SOX5: variants seen among roughly 807,000 people sequenced by gnomAD.
SOX5 encodes the protein transcription factor SOX-5.
In SOX5, 9 loss-of-function variants were observed where a neutral mutation model predicts 92.0. The ratio of observed to expected loss-of-function variants is 0.10; its 90% confidence interval spans 0.06 to 0.17. The LOEUF (loss-of-function observed/expected upper bound fraction) is 0.17. Ranked by LOEUF, SOX5 falls within the 10% of genes least tolerant of loss-of-function variation. The probability of loss-of-function intolerance (pLI) is 1.00; values close to 1 mark genes in which losing one functional copy is unlikely to be tolerated. For synonymous variants in SOX5, 344 were observed against 336.3 expected (o/e 1.02, Z -0.25); for missense variants, 642 against 944.5 (o/e 0.68, Z 4.20).
chr12:23,688,005 C>T (rs2087948851), intron 6 of SOX5, among the ~76,000 whole-genome samples: 1 of 151,944 alleles, frequency 6.6e-6, no homozygotes, highest in Admixed American at 6.6e-5. Context: ...TCTGTGCTTC[C>T]CATTAAATCC....
At chr12:23,782,458 C>T (rs1449351663) in intron 3 of SOX5, among the ~76,000 whole-genome samples, 2 of 152,052 alleles carry the variant, frequency 1.3e-5, no homozygotes, top group South Asian at 2.1e-4. Context: ...AAAGTGTTAA[C>T]GTATCCAAAA....
intron 3 of SOX5, among the ~76,000 whole-genome samples, chr12:24,228,651 T>TGTGTGTGTGC (rs60526783): frequency 1.3e-5 from 2 of 152,092 alleles, no homozygotes; most frequent in African/African-American, 4.8e-5. Context: ...AAATATTCTG[T>TGTGTGTGTGC]GTGTGTGTGC....
chr12:23,990,125 T>G (rs997229462), intron 4 of SOX5, among the ~76,000 whole-genome samples: 1 of 151,972 alleles, frequency 6.6e-6, no homozygotes, highest in Non-Finnish European at 1.5e-5. Context: ...AGATAGGTTT[T>G]GACAAATTAA....
At chr12:23,718,773 G>A (rs1261403251) in intron 6 of SOX5, among the ~76,000 whole-genome samples, 2 of 152,102 alleles carry the variant, frequency 1.3e-5, no homozygotes, top group Non-Finnish European at 2.9e-5. Context: ...TGAGAGAAAG[G>A]AAAAGGAAAA....
At chr12:24,242,810 G>T (rs12312540) in intron 3 of SOX5, among the ~76,000 whole-genome samples, 6,352 of 152,172 alleles carry the variant, frequency 0.042, 460 homozygotes, top group African/African-American at 0.14. Context: ...GGCAAAATGG[G>T]TGAATATTTT....
intron 8 of SOX5, among the ~76,000 whole-genome samples, chr12:23,627,757 C>A (rs1193579360): frequency 6.6e-6 from 1 of 151,870 alleles, no homozygotes; most frequent in African/African-American, 2.4e-5. Flanking sequence ...TTATATCAAA[C>A]CTACCATTTA....
chr12:24,137,589 G>A (rs530152623), intron 4 of SOX5, among the ~76,000 whole-genome samples: 4 of 152,208 alleles, frequency 2.6e-5, no homozygotes, highest in African/African-American at 4.8e-5. Context: ...CAGAAGTCAC[G>A]CCACTGCAAT....
At chr12:24,535,534 C>A (rs1315473232) in intron 1 of SOX5, among the ~76,000 whole-genome samples, 1 of 152,146 alleles carries the variant, frequency 6.6e-6, no homozygotes, top group African/African-American at 2.4e-5. Flanking sequence ...ACTTTGCTTG[C>A]TTTTCCAATT....
intron 4 of SOX5, among the ~76,000 whole-genome samples, chr12:24,154,540 T>G (rs1951974621): frequency 6.6e-6 from 1 of 152,086 alleles, no homozygotes; most frequent in Admixed American, 6.6e-5. Context: ...GTAAACAAGT[T>G]AGGTGTCCAA....
At chr12:23,548,818 G>A (rs1374600063) in intron 11 of SOX5, among the ~76,000 whole-genome samples, 5 of 151,996 alleles carry the variant, frequency 3.3e-5, no homozygotes, top group Admixed American at 2.6e-4. Flanking sequence ...GTGGTTAGGT[G>A]TCTAGGTAAT....
intron 7 of SOX5, among the ~76,000 whole-genome samples, chr12:23,657,118 T>C (rs974407314): frequency 9.5e-5 from 8 of 84,120 alleles, no homozygotes; most frequent in African/African-American, 2.1e-4. Flanking sequence ...GACTTTTCTC[T>C]TTTCATTGTT....
At chr12:23,920,754 T>G (rs1413474523) in intron 1 of SOX5, 2 of 152,148 alleles carry the variant, frequency 1.3e-5, no homozygotes, top group African/African-American at 4.8e-5. Context: ...GTCCTGAATT[T>G]TCCATAGTTA....
At chr12:23,648,618 G>T (rs1566688226) in intron 7 of SOX5, among the ~76,000 whole-genome samples, 2 of 152,154 alleles carry the variant, frequency 1.3e-5, no homozygotes, top group East Asian at 3.9e-4. Flanking sequence ...ACAGAGAGAA[G>T]GTGGTCATCT....
intron 6 of SOX5, among the ~76,000 whole-genome samples, chr12:23,678,749 G>A (rs200475400): frequency 1.1e-4 from 16 of 151,788 alleles, no homozygotes; most frequent in Non-Finnish European, 1.9e-4. Context: ...AAGAAACAGG[G>A]AAGCCTAAAG....
intron 4 of SOX5, among the ~76,000 whole-genome samples, chr12:24,122,735 TTG>T (rs1414422465): frequency 1.3e-5 from 2 of 152,204 alleles, no homozygotes; most frequent in Admixed American, 1.3e-4. Flanking sequence ...AGATAAACTA[TTG>T]TGTCTTTGTT....
At chr12:23,796,914 T>C (rs1043686939) in intron 3 of SOX5, among the ~76,000 whole-genome samples, 1 of 147,024 alleles carries the variant, frequency 6.8e-6, no homozygotes, top group African/African-American at 2.5e-5. Context: ...TATTTATATA[T>C]ATATATACTC....
At chr12:23,842,542 A>G (rs147650692) in intron 3 of SOX5, among the ~76,000 whole-genome samples, 1 of 152,288 alleles carries the variant, frequency 6.6e-6, no homozygotes, top group African/African-American at 2.4e-5. Context: ...CTTGCATTCT[A>G]ATATTCTCCA....
chr12:23,784,368 C>A (rs2095339443), intron 3 of SOX5, among the ~76,000 whole-genome samples: 1 of 151,794 alleles, frequency 6.6e-6, no homozygotes, highest in Non-Finnish European at 1.5e-5. Flanking sequence ...ACTCTGTCAC[C>A]CAGGCTGGAG....
At chr12:23,676,506 C>T (rs1440175249) in intron 6 of SOX5, among the ~76,000 whole-genome samples, 2 of 152,100 alleles carry the variant, frequency 1.3e-5, no homozygotes, top group South Asian at 4.1e-4. Flanking sequence ...ATTCATTGAG[C>T]GCTCACTTGG....
Sources: allele counts gnomAD v4.1 joint callset (sites outside exome capture counted in the v4.1 genomes callset), GRCh38; gene constraint gnomAD v4.1.1; transcripts MANE v1.5; gene names NCBI Gene and HGNC (gene_info 2026-07-23, HGNC 2026-07-21).